The following DNAJC6 variants were observed in gnomAD, a reference collection of about 807,000 sequenced individuals.
DNAJC6 encodes the protein DnaJ heat shock protein family (Hsp40) member C6.
Under a neutral mutation model 110.0 loss-of-function variants are expected in DNAJC6, and 34 were observed. The observed-to-expected ratio is 0.31, with a 90% CI of 0.24 to 0.41. The LOEUF (loss-of-function observed/expected upper bound fraction) is 0.41. Among genes scored for constraint, DNAJC6 ranks in the 10% least tolerant of loss-of-function variants. The pLI is 1.00. For synonymous variants in DNAJC6, 406 were observed against 437.2 expected, an observed-to-expected ratio of 0.93 and a Z score of 0.89; for missense variants, 1,031 against 1,207.8, an observed-to-expected ratio of 0.85 and a Z score of 2.17.
chr1:65,286,403 C>T (rs567083785), intron 1 of DNAJC6, among the ~76,000 whole-genome samples: 10 of 152,238 alleles, frequency 6.6e-5, no homozygotes, highest in Admixed American at 1.3e-4. Context: ...TGCACTACCA[C>T]ACCTGGTTAA....
intron 1 of DNAJC6, among the ~76,000 whole-genome samples, chr1:65,361,694 T>C (rs1297371868): frequency 6.6e-6 from 1 of 152,206 alleles, no homozygotes; most frequent in African/African-American, 2.4e-5. Context: ...GTACTAGTTG[T>C]AGGAATTTAA....
intron 1 of DNAJC6, among the ~76,000 whole-genome samples, chr1:65,315,420 G>C (rs2101386900): frequency 6.6e-6 from 1 of 152,024 alleles, no homozygotes; most frequent in South Asian, 2.1e-4. Context: ...TGATCATTTA[G>C]GTCCTTGCCT....
chr1:65,336,644 A>G (rs1324484418), intron 1 of DNAJC6, among the ~76,000 whole-genome samples: 1 of 152,152 alleles, frequency 6.6e-6, no homozygotes, highest in Non-Finnish European at 1.5e-5. Flanking sequence ...GTCATTAAAT[A>G]TTTGAATATG....
In DNAJC6 at chr1:65,413,888, A is replaced by G. The variant is rs1377462022; in HGVS notation, c.*863A>G. On this transcript the variant is annotated 3_prime_UTR_variant, in exon 19 of 19. Transcript: ENST00000371069. ...TCTTCTTTTGTTTAGCCAAGAAAAC[A>G]TTCTTAGTTGGAAACAGGTGGTAAA... 1 of 152,212 alleles carries G rather than the reference A, an allele frequency of 6.6e-6. No homozygotes were observed. Among genetic ancestry groups the G allele is most frequent in the Non-Finnish European group, 1.5e-5 (1 of 68,038 alleles). 9.4% of individuals were successfully genotyped at this position (152,212 alleles called of 1,614,324 possible).
chr1:65,384,460 A>G, intron 6 of DNAJC6, 134 bp downstream of exon 6: 1 of 866,062 alleles, frequency 1.2e-6, no homozygotes, highest in Non-Finnish European at 1.5e-6. Context: ...TAATATTGCT[A>G]TGAAGAACTA....
intron 1 of DNAJC6, among the ~76,000 whole-genome samples, chr1:65,321,286 G>A (rs894463773): frequency 2.6e-5 from 4 of 152,074 alleles, no homozygotes; most frequent in Admixed American, 6.6e-5. Flanking sequence ...CTGCTGCCTC[G>A]AATTCCTGGG....
In DNAJC6 at chr1:65,379,485, A is replaced by G. The variant is rs775364521; in HGVS notation, c.627A>G (p.Leu209=). ...TGTGTCGGAATATGTATAACTGGCTACTGCAGAATCCCAAAAATGTCTGTG... is the reference window on the plus strand; with the variant it reads ...TGTGTCGGAATATGTATAACTGGCTGCTGCAGAATCCCAAAAATGTCTGTG... ...FAVCRNMYNW[L]LQNPKNVCVV... is the part of the protein sequence containing the mutation. Residue 209 remains leucine (L), a synonymous_variant, in exon 5 of 19, where the codon CTA becomes CTG. Coordinates refer to ENST00000371069, the MANE Select transcript of DNAJC6 (RefSeq NM_001256864.2). 1.2e-6 allele frequency: 2 copies of G among 1,614,124 alleles called. No homozygotes were observed. The highest frequency in any genetic ancestry group is 2.2e-5 in the South Asian group (2 of 91,076).
In DNAJC6 at chr1:65,404,303, G is replaced by A. The variant is rs559569647; in HGVS notation, c.2228-1567G>A. 7.2e-5 allele frequency among the ~76,000 whole-genome samples: 11 copies of A among 152,278 alleles called. No homozygotes were observed. In the South Asian group the frequency reaches 1.0e-3, roughly 14 times the overall value. On this transcript the variant is annotated intron_variant, in intron 15 of 18. Coordinates refer to ENST00000371069, the MANE Select transcript of DNAJC6 (RefSeq NM_001256864.2). ...CTTACATTATTTTATAATATATAAC[G>A]TCTCTTTGTTTGCTTAATTGTGTAA...
At chr1:65,388,533 C>G in intron 9 of DNAJC6, 118 bp downstream of exon 9, 1 of 868,152 alleles carries the variant, frequency 1.2e-6, no homozygotes, top group Non-Finnish European at 1.9e-6. Flanking sequence ...TACTGAGTGT[C>G]ACTCAGTAGC....
chr1:65,293,158 T>TA (rs1189666531), intron 1 of DNAJC6, among the ~76,000 whole-genome samples: 2 of 152,204 alleles, frequency 1.3e-5, no homozygotes, highest in Non-Finnish European at 2.9e-5. Flanking sequence ...AACACACACT[T>TA]ATATCTCACC....
In DNAJC6 at chr1:65,381,273, C is replaced by T. The variant is rs1045560967; in HGVS notation, c.666+1749C>T. Among the ~76,000 whole-genome samples the T allele has an allele frequency of 2.0e-5, 3 of 151,716 alleles. No homozygotes were observed. The East Asian group carries it at 5.9e-4, about 30-fold the overall frequency. On this transcript the variant is annotated intron_variant, in intron 5 of 18. Transcript: ENST00000371069. ...ATTAAAAATAATAAGCATAGTGGGG[C>T]GTGGTGGCTCATGCCTATAATTCCA...
intron 4 of DNAJC6, among the ~76,000 whole-genome samples, chr1:65,370,087 C>T (rs1645691302): frequency 6.6e-6 from 1 of 151,764 alleles, no homozygotes; most frequent in African/African-American, 2.4e-5. Flanking sequence ...CCAATATCCA[C>T]CTTGAGGAAA....
intron 1 of DNAJC6, among the ~76,000 whole-genome samples, chr1:65,292,470 G>T (rs1644888913): frequency 6.6e-6 from 1 of 151,732 alleles, no homozygotes; most frequent in Non-Finnish European, 1.5e-5. Context: ...TTGGTGTATT[G>T]CCTAGGCTGG....
intron 7 of DNAJC6, among the ~76,000 whole-genome samples, chr1:65,386,117 T>C (rs190851860): frequency 6.6e-6 from 1 of 152,242 alleles, no homozygotes; most frequent in African/African-American, 2.4e-5. Context: ...TGATATAGGC[T>C]AAGGGACTAG....
intron 1 of DNAJC6, among the ~76,000 whole-genome samples, chr1:65,363,895 G>A (rs1418858918): frequency 6.6e-6 from 1 of 152,170 alleles, no homozygotes; most frequent in Non-Finnish European, 1.5e-5. Flanking sequence ...AGCACTAATA[G>A]CTGCCATGCA....
intron 1 of DNAJC6, among the ~76,000 whole-genome samples, chr1:65,273,618 G>A (rs1653575786): frequency 6.6e-6 from 1 of 151,874 alleles, no homozygotes; most frequent in Non-Finnish European, 1.5e-5. Flanking sequence ...AATCCCTTAA[G>A]CTATATATAT....
intron 1 of DNAJC6, among the ~76,000 whole-genome samples, chr1:65,361,271 T>C (rs1249444410): frequency 6.6e-6 from 1 of 152,232 alleles, no homozygotes; most frequent in African/African-American, 2.4e-5. Flanking sequence ...GTAGAGATGA[T>C]TAATGTTTGT....
chr1:65,408,743 A>G lies in DNAJC6; in HGVS notation c.2594A>G (p.Lys865Arg). The change falls in exon 17 of 19, where the codon AAG becomes AGG. Residue 865 changes from lysine (K) to arginine (R), a missense_variant. Coordinates refer to ENST00000371069, the MANE Select transcript of DNAJC6 (RefSeq NM_001256864.2). Reference protein sequence around the residue: ...KGPRTIAEMRKEEMAKEMDPE... With the variant: ...KGPRTIAEMRREEMAKEMDPE... ...CCTCGGACAATAGCTGAGATGAGAA[A>G]GGAGGAAATGGCCAAGGAAATGGAT... is the stretch of plus-strand genomic sequence containing the variant. 1 of 1,614,086 alleles carries G rather than the reference A, an allele frequency of 6.2e-7. No individual in the cohort carries two copies. The highest frequency in any genetic ancestry group is 8.5e-7 in the Non-Finnish European group (1 of 1,179,982).
intron 4 of DNAJC6, among the ~76,000 whole-genome samples, chr1:65,377,816 C>T (rs1645780657): frequency 6.6e-6 from 1 of 152,212 alleles, no homozygotes; most frequent in African/African-American, 2.4e-5. Flanking sequence ...TCCTGCCTCC[C>T]TTTCCCATGG....
Sources: gnomAD v4.1 joint callset for allele counts (sites outside exome capture counted in the v4.1 genomes callset) on GRCh38, gnomAD v4.1.1 for gene constraint, MANE v1.5 for transcripts, NCBI Gene and HGNC (gene_info 2026-07-23, HGNC 2026-07-21) for gene names.